NTM: variants seen among roughly 807,000 people sequenced by gnomAD.
The protein encoded by NTM is neurotrimin.
A neutral mutation model predicts 42.1 loss-of-function variants in NTM; 13 were observed. The ratio of observed to expected loss-of-function variants is 0.31; its 90% CI spans 0.20 to 0.49. The LOEUF (loss-of-function observed/expected upper bound fraction) is 0.49. Ranked by LOEUF, NTM falls within the 20% of genes least tolerant of loss-of-function variation. NTM has a pLI of 0.99. For synonymous variants in NTM, 187 were observed against 179.2 expected, an observed-to-expected ratio of 1.04 and a Z score of -0.35; for missense variants, 373 against 452.8, an observed-to-expected ratio of 0.82 and a Z score of 1.60.
intron 1 of NTM, among the ~76,000 whole-genome samples, chr11:131,489,492 A>T (rs1328079420): frequency 1.3e-5 from 2 of 152,220 alleles, no homozygotes; most frequent in East Asian, 3.9e-4. Context: ...GTAAAGCAAC[A>T]TCGCTATGAT....
At chr11:131,779,161 C>T (rs769175174) in intron 1 of NTM, among the ~76,000 whole-genome samples, 24 of 152,166 alleles carry the variant, frequency 1.6e-4, no homozygotes, top group Non-Finnish European at 2.4e-4. Context: ...TCAGTTCCAA[C>T]GCCACAGAAA....
chr11:131,921,900 G>A (rs1275179742), intron 2 of NTM, among the ~76,000 whole-genome samples: 1 of 151,646 alleles, frequency 6.6e-6, no homozygotes, highest in Non-Finnish European at 1.5e-5. Context: ...CCAGGGCCAT[G>A]CATCGTTTTC....
At chr11:131,580,550 C>T (rs1030532167) in intron 1 of NTM, among the ~76,000 whole-genome samples, 6 of 152,046 alleles carry the variant, frequency 3.9e-5, no homozygotes, top group South Asian at 2.1e-4. Context: ...AGGGCTATTC[C>T]GTAGGGCTGA....
chr11:131,748,619 C>T (rs1297654885), intron 1 of NTM, among the ~76,000 whole-genome samples: 6 of 152,146 alleles, frequency 3.9e-5, no homozygotes, highest in Admixed American at 2.0e-4. Flanking sequence ...TGAATGTATT[C>T]GTTTCCTATA....
chr11:131,465,366 A>G (rs149987715), intron 1 of NTM, among the ~76,000 whole-genome samples: 1 of 152,250 alleles, frequency 6.6e-6, no homozygotes, highest in African/African-American at 2.4e-5. Flanking sequence ...GGGAGCTGTA[A>G]ACTCTGAATC....
Position 131,468,986 on chromosome 11 carries a change from A to G in NTM, c.82+98098A>G, listed in dbSNP as rs990232633. 2.6e-5 allele frequency among the ~76,000 whole-genome samples: 4 copies of G among 152,374 alleles called. No individual in the cohort carries two copies. The East Asian group carries it at 7.7e-4, about 29-fold the overall frequency. On this transcript the variant is annotated intron_variant, in intron 1 of 8. Coordinates refer to ENST00000683400, the MANE Select transcript of NTM (RefSeq NM_001352005.2). ...AACAATTGGATGAAATACCAAGGCAATAAGCAGATGGAAAGCGTTGGTTGT... is the reference window on the plus strand; with the variant it reads ...AACAATTGGATGAAATACCAAGGCAGTAAGCAGATGGAAAGCGTTGGTTGT...
chr11:132,091,705 C>T (rs1352719982), intron 2 of NTM, among the ~76,000 whole-genome samples: 2 of 152,068 alleles, frequency 1.3e-5, no homozygotes, highest in Non-Finnish European at 2.9e-5. Flanking sequence ...TGATCTTGAA[C>T]TCCTGGGCTC....
intron 2 of NTM, among the ~76,000 whole-genome samples, chr11:132,065,030 G>C (rs983816204): frequency 6.6e-5 from 10 of 152,216 alleles, no homozygotes; most frequent in African/African-American, 2.4e-4. Context: ...CTCACAGGAA[G>C]AGGTTAGGGG....
At chr11:132,282,757 T>G (rs900154367) in intron 4 of NTM, among the ~76,000 whole-genome samples, 3 of 151,986 alleles carry the variant, frequency 2.0e-5, no homozygotes, top group African/African-American at 7.3e-5. Flanking sequence ...TTAGCCTGTT[T>G]AAGAGAGAAA....
intron 2 of NTM, among the ~76,000 whole-genome samples, chr11:132,123,526 G>A (rs567140080): frequency 2.0e-5 from 3 of 152,320 alleles, no homozygotes; most frequent in Admixed American, 6.5e-5. Flanking sequence ...TTGAGTACCA[G>A]GAAGCCAAGG....
At chr11:131,659,138 G>A (rs1315419518) in intron 1 of NTM, among the ~76,000 whole-genome samples, 5 of 152,190 alleles carry the variant, frequency 3.3e-5, no homozygotes, top group African/African-American at 1.2e-4. Context: ...TGCCTCTGAT[G>A]TCTCATTGGC....
Position 131,598,797 on chromosome 11 carries a change from CTTT to C in NTM, c.82+227912_82+227914del, listed in dbSNP as rs762538651. ...TTCTTTCTTTCTTCTTTCTTTCTTT[CTTT>C]TTCTTTCTTTCTTCTTTCTTTCTTT... is the stretch of plus-strand genomic sequence containing the variant. On this transcript the variant is annotated intron_variant, in intron 1 of 8. Coordinates refer to ENST00000683400, the MANE Select transcript of NTM (RefSeq NM_001352005.2). Among the ~76,000 whole-genome samples, 2 of 71,800 alleles carry C rather than the reference CTTT, an allele frequency of 2.8e-5. 1 individual carries two copies. The highest frequency in any genetic ancestry group is 6.2e-5 in the Non-Finnish European group (2 of 32,040). The allele number at this position is 71,800 out of a possible 152,430, so 47.1% of individuals were successfully genotyped here.
chr11:131,853,134 T>C (rs1422398434), intron 1 of NTM, among the ~76,000 whole-genome samples: 1 of 152,058 alleles, frequency 6.6e-6, no homozygotes. Flanking sequence ...CCCAGAACTA[T>C]ACTAGATGCT....
intron 1 of NTM, among the ~76,000 whole-genome samples, chr11:131,430,304 T>C (rs755331396): frequency 6.6e-6 from 1 of 152,208 alleles, no homozygotes; most frequent in Non-Finnish European, 1.5e-5. Context: ...GAGGAAGACT[T>C]ATCCATACAA....
chr11:132,082,305 A>T (rs3018432), intron 2 of NTM, among the ~76,000 whole-genome samples: 19,023 of 152,096 alleles, frequency 0.13, 1,282 homozygotes, highest in Middle Eastern at 0.16. Flanking sequence ...GCTCTCAACA[A>T]AAAGAGAGAT....
At chr11:132,102,172 A>T (rs1346221536) in intron 2 of NTM, among the ~76,000 whole-genome samples, 1 of 152,208 alleles carries the variant, frequency 6.6e-6, no homozygotes, top group East Asian at 1.9e-4. Context: ...TTCAGGAAAC[A>T]TTACTTTAGC....
intron 1 of NTM, among the ~76,000 whole-genome samples, chr11:131,810,610 G>T (rs1188477528): frequency 1.3e-5 from 2 of 152,200 alleles, no homozygotes; most frequent in Non-Finnish European, 1.5e-5. Context: ...TCTGCGTTTT[G>T]CTGGGTCCAG....
chr11:131,807,003 T>A (rs549288454), intron 1 of NTM, among the ~76,000 whole-genome samples: 1 of 152,304 alleles, frequency 6.6e-6, no homozygotes, highest in South Asian at 2.1e-4. Context: ...GATTACAGGA[T>A]GAGCAACGTT....
At chr11:131,527,624 A>G (rs779056887) in intron 1 of NTM, among the ~76,000 whole-genome samples, 8 of 152,232 alleles carry the variant, frequency 5.3e-5, no homozygotes, top group Non-Finnish European at 1.0e-4. Context: ...GGAAAAAGCC[A>G]TCTTATGTAA....
Sources: allele counts gnomAD v4.1 joint callset (sites outside exome capture counted in the v4.1 genomes callset), GRCh38; gene constraint gnomAD v4.1.1; transcripts MANE v1.5; gene names NCBI Gene and HGNC (gene_info 2026-07-23, HGNC 2026-07-21).